The following PDE3A variants were observed in gnomAD, a reference collection of about 807,000 sequenced individuals.
PDE3A encodes cGMP-inhibited 3',5'-cyclic phosphodiesterase 3A.
In PDE3A, 43 loss-of-function variants were observed where a neutral mutation model predicts 98.3. The observed-to-expected ratio is 0.44, with a 90% CI of 0.34 to 0.56. The LOEUF is 0.56. PDE3A is among the 20% of genes least tolerant of loss of function. PDE3A has a pLI of 0.01. For synonymous variants in PDE3A, 663 were observed against 567.9 expected (o/e 1.17, Z -2.38); for missense variants, 1,427 against 1,440.7 (o/e 0.99, Z 0.15).
chr12:20,480,053 C>T lies in PDE3A; in HGVS notation c.961-76607C>T, dbSNP rs149731824. On this transcript the variant is annotated intron_variant, in intron 1 of 15. Transcript: ENST00000359062. Reference sequence around the variant, plus strand: ...AAAATTTTTCTTTTGCCTATGGGGCCAGCAGTGAAGATGAGCTCATCTGTC... The same window carrying T: ...AAAATTTTTCTTTTGCCTATGGGGCTAGCAGTGAAGATGAGCTCATCTGTC... 2.0e-4 allele frequency among the ~76,000 whole-genome samples: 30 copies of T among 152,242 alleles called. No homozygotes were observed. In the East Asian group the frequency reaches 5.2e-3, roughly 27 times the overall value.
chr12:20,385,170 T>C (rs1409872864), intron 1 of PDE3A, among the ~76,000 whole-genome samples: 2 of 151,998 alleles, frequency 1.3e-5, no homozygotes, highest in Non-Finnish European at 2.9e-5. Context: ...CGTTGTTATT[T>C]CTCCACAGCC....
intron 1 of PDE3A, among the ~76,000 whole-genome samples, chr12:20,383,855 A>G (rs1168347211): frequency 6.6e-6 from 1 of 151,986 alleles, no homozygotes; most frequent in Non-Finnish European, 1.5e-5. Context: ...GGTTTTGAGC[A>G]AAGAAAGGAT....
In PDE3A at chr12:20,369,781, C is replaced by T. The variant is rs532703635; in HGVS notation, c.497C>T (p.Ala166Val). 1.2e-6 allele frequency: 2 copies of T among 1,612,572 alleles called. No homozygotes were observed. Among genetic ancestry groups the T allele is most frequent in the African/African-American group, 1.3e-5 (1 of 75,026 alleles). Reference sequence around the variant, plus strand: ...CCTCTGGCTGTCGCGCTGCTGGCCGCCTGCTGCGGGGGGGAAGCGCTCGTC... The same window carrying T: ...CCTCTGGCTGTCGCGCTGCTGGCCGTCTGCTGCGGGGGGGAAGCGCTCGTC... ...RLPLAVALLA[A>V]CCGGEALVQI... The change falls in exon 1 of 16, where the codon GCC becomes GTC. Residue 166 changes from alanine to valine, a missense_variant. By Grantham distance (64) the Ala-to-Val change is moderately conservative. Transcript: ENST00000359062.
At chr12:20,563,276 AAG>A (rs1942576026) in intron 2 of PDE3A, among the ~76,000 whole-genome samples, 1 of 152,196 alleles carries the variant, frequency 6.6e-6, no homozygotes, top group Non-Finnish European at 1.5e-5. Flanking sequence ...TGTTTTTGAT[AAG>A]AGAATGTGGA....
chr12:20,386,332 G>A (rs1284910557), intron 1 of PDE3A, among the ~76,000 whole-genome samples: 3 of 145,930 alleles, frequency 2.1e-5, no homozygotes, highest in Non-Finnish European at 3.0e-5. Context: ...CATTCTGACT[G>A]GCATGTGATG....
intron 1 of PDE3A, among the ~76,000 whole-genome samples, chr12:20,463,276 A>G (rs1945284908): frequency 6.6e-6 from 1 of 152,206 alleles, no homozygotes; most frequent in Non-Finnish European, 1.5e-5. Context: ...AGTTGTCAGA[A>G]AACTTTCAAC....
chr12:20,635,233 A>G (rs1434203835), intron 8 of PDE3A, among the ~76,000 whole-genome samples, 177 bp downstream of exon 8: 1 of 152,162 alleles, frequency 6.6e-6, no homozygotes, highest in Non-Finnish European at 1.5e-5. Context: ...AGCCTGACCA[A>G]TATGGTGAAA....
intron 1 of PDE3A, among the ~76,000 whole-genome samples, chr12:20,545,168 T>TACATGGAA (rs1942017576): frequency 6.6e-6 from 1 of 152,020 alleles, no homozygotes; most frequent in Non-Finnish European, 1.5e-5. Context: ...ATGTATTAAA[T>TACATGGAA]GAAAATAATG....
At chr12:20,668,187 T>G (rs1349208391) in intron 15 of PDE3A, among the ~76,000 whole-genome samples, 1 of 152,126 alleles carries the variant, frequency 6.6e-6, no homozygotes, top group South Asian at 2.1e-4. Flanking sequence ...GCACCTGGCT[T>G]GGAGGGTCCT....
chr12:20,481,642 A>G (rs10841547), intron 1 of PDE3A, among the ~76,000 whole-genome samples: 48,271 of 151,942 alleles, frequency 0.32, 7,811 homozygotes, highest in Admixed American at 0.35. Context: ...ATGTATTTTT[A>G]AGAACATTGA....
In PDE3A at chr12:20,396,761, CT is replaced by C. The variant is rs1172189276; in HGVS notation, c.960+26518del. On this transcript the variant is annotated intron_variant, in intron 1 of 15. Transcript: ENST00000359062. ...TGGACCATTATCTAATGCCCGTTAC[CT>C]AAGGGTTAGTTTGCCACAGTTCATT... Among the ~76,000 whole-genome samples, 14 of 151,986 alleles carry C rather than the reference CT, an allele frequency of 9.2e-5. No individual in the cohort carries two copies. The East Asian group carries it at 2.7e-3, about 29-fold the overall frequency.
At chr12:20,672,085 C>T (rs1295349924) in intron 15 of PDE3A, among the ~76,000 whole-genome samples, 1 of 151,672 alleles carries the variant, frequency 6.6e-6, no homozygotes, top group Non-Finnish European at 1.5e-5. Flanking sequence ...CATGAGTGAA[C>T]TCCCATTCAC....
At chr12:20,516,024 G>T (rs1203075486) in intron 1 of PDE3A, among the ~76,000 whole-genome samples, 5 of 149,898 alleles carry the variant, frequency 3.3e-5, no homozygotes, top group Non-Finnish European at 2.9e-5. Context: ...GAGCCACCGC[G>T]CCCGGCCTAT....
chr12:20,370,726 C>A (rs956666531), intron 1 of PDE3A, among the ~76,000 whole-genome samples: 1 of 151,950 alleles, frequency 6.6e-6, no homozygotes, highest in Non-Finnish European at 1.5e-5. Context: ...TTTATGAAAA[C>A]CAGTAAAAAG....
intron 10 of PDE3A, among the ~76,000 whole-genome samples, chr12:20,642,729 A>G (rs929160828): frequency 1.3e-5 from 2 of 152,158 alleles, no homozygotes; most frequent in African/African-American, 4.8e-5. Flanking sequence ...GTTCAGTTCA[A>G]TTCAGCTGTA....
chr12:20,632,949 CTTTTTT>C (rs5796876), intron 6 of PDE3A, among the ~76,000 whole-genome samples: 2 of 102,120 alleles, frequency 2.0e-5, no homozygotes, highest in Non-Finnish European at 1.9e-5. Flanking sequence ...AATAATGAGG[CTTTTTT>C]TTTTTTTTTT....
chr12:20,415,451 A>G (rs1939616426), intron 1 of PDE3A, among the ~76,000 whole-genome samples: 1 of 151,394 alleles, frequency 6.6e-6, no homozygotes, highest in African/African-American at 2.4e-5. Flanking sequence ...ACGGAGTCTC[A>G]CTCAGCTTCC....
rs1945789683 is a variant in PDE3A at position 20,681,712 on chromosome 12, T to G, written c.*1441T>G. The G allele has an allele frequency of 6.6e-6, 1 of 152,130 alleles. No individual in the cohort carries two copies. The highest frequency in any genetic ancestry group is 1.5e-5 in the Non-Finnish European group (1 of 68,026). 9.4% of individuals were successfully genotyped at this position (152,130 alleles called of 1,614,324 possible). On this transcript the variant is annotated 3_prime_UTR_variant, in exon 16 of 16. Coordinates refer to ENST00000359062, the MANE Select transcript of PDE3A (RefSeq NM_000921.5). ...GATTGTTTGAAGATTGGGTTATTAT[T>G]GAAAGTCTTTTTTTTTGTTTGTTTT...
At chr12:20,408,078 G>A (rs944802950) in intron 1 of PDE3A, among the ~76,000 whole-genome samples, 1 of 151,864 alleles carries the variant, frequency 6.6e-6, no homozygotes, top group South Asian at 2.1e-4. Flanking sequence ...GCGCCACCAC[G>A]CCCAGCTAAT....
Sources: gnomAD v4.1 joint callset for allele counts (sites outside exome capture counted in the v4.1 genomes callset) on GRCh38, gnomAD v4.1.1 for gene constraint, MANE v1.5 for transcripts, NCBI Gene and HGNC (gene_info 2026-07-23, HGNC 2026-07-21) for gene names.